Variants in DHX32 observed in about 807,000 individuals in gnomAD.
DHX32 encodes the protein putative pre-mRNA-splicing factor ATP-dependent RNA helicase DHX32.
DHX32 carries 51 observed loss-of-function variants against 70.0 expected under a neutral mutation model. The ratio of observed to expected loss-of-function variants is 0.73; its 90% CI spans 0.58 to 0.92. The LOEUF is 0.92. Among genes scored for constraint, DHX32 ranks in the 40% least tolerant of loss-of-function variants. DHX32 has a pLI of 0.00. For missense variants in DHX32, 762 were observed against 891.8 expected (o/e 0.85, Z 1.85); for synonymous variants, 310 against 315.3 (o/e 0.98, Z 0.18).
chr10:125,836,931 C>A, intron 10 of DHX32, 76 bp from the exon 11 acceptor site: 1 of 1,299,166 alleles, frequency 7.7e-7, no homozygotes, highest in Non-Finnish European at 1.1e-6. Flanking sequence ...TGTCTGGGCA[C>A]TTCCCATCCC....
intron 2 of DHX32, among the ~76,000 whole-genome samples, chr10:125,861,927 GAA>G (rs796596295): frequency 3.7e-5 from 5 of 136,592 alleles, no homozygotes; most frequent in African/African-American, 5.5e-5. Context: ...CTCTTTCAAG[GAA>G]AAAAAAAAAA....
At chr10:125,867,316 C>T in intron 1 of DHX32, 133 bp from the exon 2 acceptor site, 2 of 702,684 alleles carry the variant, frequency 2.8e-6, no homozygotes, top group Non-Finnish European at 4.7e-6. Flanking sequence ...TGTATTACAT[C>T]TTACTTAGTG....
chr10:125,890,091 G>A (rs367936864), intron 1 of DHX32, among the ~76,000 whole-genome samples: 310 of 141,128 alleles, frequency 2.2e-3, no homozygotes, highest in South Asian at 5.2e-3. Flanking sequence ...ATAGGCTCAC[G>A]TTGCATCACT....
chr10:125,883,172 C>G (rs1444697366), upstream of DHX32, among the ~76,000 whole-genome samples: 2 of 152,146 alleles, frequency 1.3e-5, no homozygotes, highest in Non-Finnish European at 2.9e-5. Context: ...AGTCTTCTTT[C>G]TAAAGACCTG....
chr10:125,845,419 G>A (rs1242381370), intron 6 of DHX32, among the ~76,000 whole-genome samples: 4 of 152,234 alleles, frequency 2.6e-5, no homozygotes, highest in Non-Finnish European at 5.9e-5. Flanking sequence ...ATATTTATAT[G>A]TACTTTCCTA....
upstream of DHX32, among the ~76,000 whole-genome samples, chr10:125,881,545 T>G (rs866975699): frequency 3.3e-5 from 5 of 152,244 alleles, no homozygotes; most frequent in Non-Finnish European, 7.3e-5. Context: ...AAAAACATTT[T>G]TAAAACTTTT....
rs1441788803 is a variant in DHX32, at chr10:125,866,488, G to A, written c.476+502C>T. ...AAGTTTTCCAGAAGCCCCACAGAGG[G>A]TTTTCTAATGTGTATTACTGGAGGG... is the stretch of plus-strand genomic sequence containing the variant. On this transcript the variant is annotated intron_variant, in intron 2 of 10. Coordinates refer to ENST00000284690, the MANE Select transcript of DHX32 (RefSeq NM_018180.3). This position sits in a 1 kb window ranked among gnomAD's most constrained non-coding sequence, Gnocchi z 4.8. 6.6e-6 allele frequency among the ~76,000 whole-genome samples: 1 copy of A among 152,228 alleles called. No homozygotes were observed. The highest frequency in any genetic ancestry group is 1.5e-5 in the Non-Finnish European group (1 of 68,034).
upstream of DHX32, among the ~76,000 whole-genome samples, chr10:125,884,605 A>G (rs1944333166): frequency 1.3e-5 from 2 of 152,242 alleles, no homozygotes; most frequent in African/African-American, 4.8e-5. Context: ...ACAAGGTAGA[A>G]TTAGAAGTCA....
chr10:125,867,240 A>C, intron 1 of DHX32, 57 bp from the exon 2 acceptor site: 2 of 1,412,184 alleles, frequency 1.4e-6, no homozygotes, highest in Non-Finnish European at 1.9e-6. Context: ...AACAAGAGAC[A>C]TCTCTGTCTT....
At chr10:125,873,387 C>A (rs1944266760) in intron 1 of DHX32, among the ~76,000 whole-genome samples, 3 of 152,072 alleles carry the variant, frequency 2.0e-5, no homozygotes, top group Non-Finnish European at 2.9e-5. Context: ...GTCCCAAAGG[C>A]CTCTAATCCC....
chr10:125,842,278 T>A, intron 6 of DHX32: 1 of 242,536 alleles, frequency 4.1e-6, no homozygotes, highest in Non-Finnish European at 7.9e-6. Flanking sequence ...GTCACAGTAC[T>A]GGAGAGAGAC....
chr10:125,843,270 A>G (rs895855664), intron 6 of DHX32, among the ~76,000 whole-genome samples: 1 of 152,128 alleles, frequency 6.6e-6, no homozygotes, highest in Admixed American at 6.5e-5. Context: ...AGTTCAAAGT[A>G]ACATATGGTA....
intron 1 of DHX32, among the ~76,000 whole-genome samples, chr10:125,887,900 A>G (rs1452460541): frequency 3.3e-5 from 5 of 152,248 alleles, no homozygotes; most frequent in African/African-American, 7.2e-5. Flanking sequence ...AGGTGCACCA[A>G]GCATGGCAAT....
At chr10:125,868,632 A>C (rs1210857524) in intron 1 of DHX32, among the ~76,000 whole-genome samples, 1 of 152,232 alleles carries the variant, frequency 6.6e-6, no homozygotes, top group African/African-American at 2.4e-5. Context: ...TCTATGAAAG[A>C]TGAAATTTTA....
At chr10:125,850,321 C>T (rs1218030933) in intron 6 of DHX32, among the ~76,000 whole-genome samples, 2 of 151,258 alleles carry the variant, frequency 1.3e-5, no homozygotes, top group Non-Finnish European at 2.9e-5. Flanking sequence ...CCATCCCTGG[C>T]CTCTGCAGCC....
Position 125,881,107 on chromosome 10 carries a change from T to C in DHX32, c.-283A>G. ...AACAAACAAAAAGAGTAAGGAAAAT[T>C]AGGAACACATATAAGTTAAAAAGAA... On this transcript the variant is annotated 5_prime_UTR_variant, in exon 1 of 11. The change abolishes the stop of an existing upstream ORF in the 5' untranslated region. Transcript: ENST00000284690. The C allele has an allele frequency of 3.1e-6, 1 of 322,064 alleles. No homozygotes were observed. Among genetic ancestry groups the C allele is most frequent in the Admixed American group, 4.7e-5 (1 of 21,346 alleles). The allele number at this position is 322,064 out of a possible 1,614,324, so 20.0% of individuals were successfully genotyped here.
At chr10:125,853,329 G>A (rs1944116451) in intron 4 of DHX32, 3 of 736,858 alleles carry the variant, frequency 4.1e-6, no homozygotes, top group Non-Finnish European at 4.0e-6. Flanking sequence ...GTCAATATTT[G>A]TTAGTTTCGT....
intron 3 of DHX32, among the ~76,000 whole-genome samples, chr10:125,859,215 C>T (rs1233701084): frequency 6.6e-6 from 1 of 152,080 alleles, no homozygotes; most frequent in Admixed American, 6.6e-5. Flanking sequence ...TAGTCCTGAT[C>T]TCCAACAAAC....
intron 6 of DHX32, among the ~76,000 whole-genome samples, chr10:125,847,260 T>C (rs1257834983): frequency 2.0e-5 from 3 of 152,174 alleles, no homozygotes; most frequent in Non-Finnish European, 4.4e-5. Flanking sequence ...AACCTAGAGA[T>C]ACAGGGATGA....
Sources: allele counts gnomAD v4.1 joint callset (sites outside exome capture counted in the v4.1 genomes callset), GRCh38; gene constraint gnomAD v4.1.1; non-coding constraint Gnocchi (gnomAD v3.1); transcripts MANE v1.5; gene names NCBI Gene and HGNC (gene_info 2026-07-23, HGNC 2026-07-21).